TMEM132C: variants seen among roughly 807,000 people sequenced by gnomAD.
TMEM132C encodes protein phosphatase 1, regulatory subunit 152.
In TMEM132C, 29 loss-of-function variants were observed where a neutral mutation model predicts 61.4. The ratio of observed to expected loss-of-function variants is 0.47; its 90% CI spans 0.35 to 0.64. The LOEUF (loss-of-function observed/expected upper bound fraction) is 0.64, where lower values mean the gene tolerates loss of function less well. Ranked by LOEUF, TMEM132C falls within the 30% of genes least tolerant of loss-of-function variation. The pLI is 0.00. For missense variants in TMEM132C, 1,408 were observed against 1,476.9 expected (o/e 0.95, Z 0.76); for synonymous variants, 656 against 633.1 (o/e 1.04, Z -0.54).
At chr12:128,619,085 A>G (rs1452174682) in intron 4 of TMEM132C, among the ~76,000 whole-genome samples, 1 of 152,238 alleles carries the variant, frequency 6.6e-6, no homozygotes, top group Non-Finnish European at 1.5e-5. Context: ...AGCTTTGACT[A>G]GAAGATGAGA....
At chr12:128,587,540 C>A (rs561860079) in intron 3 of TMEM132C, among the ~76,000 whole-genome samples, 1 of 152,234 alleles carries the variant, frequency 6.6e-6, no homozygotes, top group Admixed American at 6.5e-5. Flanking sequence ...AGTGAAGGCA[C>A]AAACATTCAG....
intron 2 of TMEM132C, among the ~76,000 whole-genome samples, chr12:128,455,725 T>C (rs930755103): frequency 4.6e-5 from 7 of 152,208 alleles, no homozygotes; most frequent in African/African-American, 1.7e-4. Context: ...TGACAGGTTG[T>C]GCACTCCCAG....
chr12:128,467,258 T>C (rs1400616919), intron 2 of TMEM132C, among the ~76,000 whole-genome samples: 1 of 152,164 alleles, frequency 6.6e-6, no homozygotes, highest in African/African-American at 2.4e-5. Context: ...TTAATAGAGA[T>C]GCTATTGGCA....
chr12:128,477,666 G>A (rs372770579), intron 2 of TMEM132C, among the ~76,000 whole-genome samples: 47 of 152,190 alleles, frequency 3.1e-4, no homozygotes, highest in African/African-American at 7.7e-4. Context: ...TGCAAACTCC[G>A]CCTCTCAGGT....
In TMEM132C at chr12:128,415,111, C is replaced by T; in HGVS notation, c.465C>T (p.Gly155=). 1.2e-6 allele frequency: 2 copies of T among 1,609,416 alleles called. No homozygotes were observed. The highest frequency in any genetic ancestry group is 1.7e-4 in the Middle Eastern group (1 of 6,056). The change falls in exon 2 of 9, where the codon GGC becomes GGT. Residue 155 remains glycine (G), a synonymous_variant. Coordinates refer to ENST00000435159, the MANE Select transcript of TMEM132C (RefSeq NM_001136103.3). The surrounding 1 kb of genome is among the most constrained non-coding windows in gnomAD (Gnocchi z 5.8). ...PKVQVLFHIM[G]RDWDDHGAGE... The stretch of plus-strand genomic sequence containing the variant: ...TGCAGGTTCTTTTCCACATCATGGG[C>T]AGAGACTGGGATGACCACGGCGCCG...
chr12:128,324,286 T>C (rs1204199142), intron 1 of TMEM132C, among the ~76,000 whole-genome samples: 2 of 152,162 alleles, frequency 1.3e-5, no homozygotes, highest in Non-Finnish European at 2.9e-5. Context: ...AAAACCAACA[T>C]AACATGTAAA....
chr12:128,576,908 A>G (rs945430554), intron 3 of TMEM132C, among the ~76,000 whole-genome samples: 1 of 152,194 alleles, frequency 6.6e-6, no homozygotes, highest in African/African-American at 2.4e-5. Context: ...TTTGTTTCTC[A>G]TGGTACATTT....
chr12:128,625,580 C>T (rs193232494), intron 4 of TMEM132C, among the ~76,000 whole-genome samples: 7 of 152,254 alleles, frequency 4.6e-5, no homozygotes, highest in Admixed American at 1.3e-4. Flanking sequence ...AAGAGAATTT[C>T]GAACCAAGTG....
At chr12:128,340,000 G>C (rs1386229342) in intron 1 of TMEM132C, among the ~76,000 whole-genome samples, 1 of 152,164 alleles carries the variant, frequency 6.6e-6, no homozygotes, top group Non-Finnish European at 1.5e-5. Context: ...TTTTAAAAAA[G>C]AACAGTAACA....
intron 5 of TMEM132C, among the ~76,000 whole-genome samples, chr12:128,670,892 A>G (rs1215351928): frequency 2.0e-5 from 3 of 152,222 alleles, no homozygotes; most frequent in Admixed American, 6.5e-5. Context: ...CTCCAAAAGA[A>G]CGGAAAATCT....
intron 1 of TMEM132C, among the ~76,000 whole-genome samples, chr12:128,268,451 C>T (rs1474592159): frequency 6.6e-6 from 1 of 152,160 alleles, no homozygotes; most frequent in Non-Finnish European, 1.5e-5. Context: ...AGGGCAGCAG[C>T]TGCCCGAGTC....
At chr12:128,688,140 A>T (rs146369651) in intron 5 of TMEM132C, among the ~76,000 whole-genome samples, 1 of 152,344 alleles carries the variant, frequency 6.6e-6, no homozygotes, top group Non-Finnish European at 1.5e-5. Flanking sequence ...GTTGCTGGAC[A>T]GTGGCCTCTC....
At chr12:128,486,296 C>T (rs1366322535) in intron 2 of TMEM132C, among the ~76,000 whole-genome samples, 4 of 152,116 alleles carry the variant, frequency 2.6e-5, no homozygotes, top group African/African-American at 9.7e-5. Flanking sequence ...ACAGCATTCT[C>T]CAGACATTCC....
chr12:128,303,989 G>A (rs529554436), intron 1 of TMEM132C, among the ~76,000 whole-genome samples: 1 of 152,052 alleles, frequency 6.6e-6, no homozygotes, highest in African/African-American at 2.4e-5. Flanking sequence ...CAACTAACCT[G>A]GTAGTTGGGA....
intron 1 of TMEM132C, among the ~76,000 whole-genome samples, chr12:128,389,758 A>G (rs1429862065): frequency 1.3e-5 from 2 of 152,218 alleles, no homozygotes; most frequent in African/African-American, 2.4e-5. Flanking sequence ...AGTAGGGGGC[A>G]TTGGATGAAT....
At chr12:128,357,692 CAAAAA>C (rs751246246) in intron 1 of TMEM132C, among the ~76,000 whole-genome samples, 1 of 71,308 alleles carries the variant, frequency 1.4e-5, no homozygotes, top group Admixed American at 1.5e-4. Context: ...GACTCCGTCT[CAAAAA>C]AAAAAAAAAA....
At chr12:128,663,868 GCA>G (rs1393529541) in intron 4 of TMEM132C, among the ~76,000 whole-genome samples, 33 of 142,346 alleles carry the variant, frequency 2.3e-4, no homozygotes, top group African/African-American at 7.7e-4. Context: ...ACTCACACAG[GCA>G]CACACACATA....
At chr12:128,680,975 A>C (rs1248617725) in intron 5 of TMEM132C, among the ~76,000 whole-genome samples, 1 of 152,192 alleles carries the variant, frequency 6.6e-6, no homozygotes, top group African/African-American at 2.4e-5. Context: ...CACGGGATAC[A>C]GTCCAGTTTG....
chr12:128,271,118 G>C (rs993149394), intron 1 of TMEM132C, among the ~76,000 whole-genome samples: 2 of 151,954 alleles, frequency 1.3e-5, no homozygotes, highest in African/African-American at 4.8e-5. Context: ...GCTGGGCGTG[G>C]TGGCGGGGGC....
Sources: gnomAD v4.1 joint callset for allele counts (sites outside exome capture counted in the v4.1 genomes callset) on GRCh38, gnomAD v4.1.1 for gene constraint, Gnocchi (gnomAD v3.1) non-coding constraint, MANE v1.5 for transcripts, NCBI Gene and HGNC (gene_info 2026-07-23, HGNC 2026-07-21) for gene names.